ASNSD1: variants seen among roughly 807,000 people sequenced by gnomAD.
ASNSD1 encodes asparagine synthetase domain-containing protein 1.
In ASNSD1, 36 loss-of-function variants were observed where a neutral mutation model predicts 48.3. The observed-to-expected ratio is 0.75, with a 90% CI of 0.57 to 0.99. The LOEUF (loss-of-function observed/expected upper bound fraction) is 0.99. Ranked by LOEUF, ASNSD1 falls within the 50% of genes least tolerant of loss-of-function variation. The pLI is 0.00. For missense variants in ASNSD1, 714 were observed against 758.2 expected, an observed-to-expected ratio of 0.94 and a Z score of 0.69; for synonymous variants, 257 against 262.1, an observed-to-expected ratio of 0.98 and a Z score of 0.19.
intron 1 of ASNSD1, among the ~76,000 whole-genome samples, chr2:189,663,417 C>A (rs2032716179): frequency 6.6e-6 from 1 of 152,024 alleles, no homozygotes; most frequent in South Asian, 2.1e-4. Flanking sequence ...CTACGCTTGG[C>A]TAATTTTGTA....
intron 1 of ASNSD1, among the ~76,000 whole-genome samples, chr2:189,663,336 C>A (rs1212243058): frequency 6.6e-6 from 1 of 152,080 alleles, no homozygotes; most frequent in Non-Finnish European, 1.5e-5. Context: ...TCACTGCAGC[C>A]TCCGCCTCCC....
At chr2:189,665,213 G>A (rs1043613432) in intron 2 of ASNSD1, 163 bp from the exon 3 acceptor site, 4 of 365,300 alleles carry the variant, frequency 1.1e-5, no homozygotes, top group African/African-American at 6.3e-5. Flanking sequence ...GCAATTTCTG[G>A]TAGTTGGGCA....
intron 3 of ASNSD1, 58 bp downstream of exon 3, chr2:189,665,509 G>C (rs2032764769): frequency 5.2e-6 from 2 of 385,930 alleles, no homozygotes; most frequent in Non-Finnish European, 4.6e-6. Context: ...TCATCTGAGT[G>C]TTAAAATATA....
rs965796184 is a variant in ASNSD1 at position 189,670,695 on chromosome 2, ATCTT to A, written c.1905_1908del (p.Ser636LeufsTer16). On this transcript the variant is annotated frameshift_variant, in exon 6 of 6. Transcript: ENST00000260952. LOFTEE classifies it high-confidence loss of function. Reference sequence around the variant, plus strand: ...CGGCTCCAAATCATGTCCTTAGAAAATCTTTCTATTGAAAAGGAGACTAAATTGT... The same window carrying A: ...CGGCTCCAAATCATGTCCTTAGAAAATCTATTGAAAAGGAGACTAAATTGT... The A allele has an allele frequency of 5.0e-6, 8 of 1,598,664 alleles. No homozygotes were observed. The African/African-American group carries it at 8.1e-5, about 16-fold the overall frequency.
At chr2:189,665,123 T>C (rs796398390) in intron 2 of ASNSD1, among the ~76,000 whole-genome samples, 2 of 152,304 alleles carry the variant, frequency 1.3e-5, no homozygotes, top group African/African-American at 4.8e-5. Context: ...ATATTGCTCA[T>C]TGATAAAAGC....
chr2:189,664,915 A>G (rs576513103), intron 2 of ASNSD1, among the ~76,000 whole-genome samples: 2 of 152,348 alleles, frequency 1.3e-5, no homozygotes, highest in Non-Finnish European at 2.9e-5. Context: ...TTTAGTTACA[A>G]AGATAATCAT....
Position 189,670,579 on chromosome 2 carries a change from C to T in ASNSD1, c.1785C>T (p.Ala595=), listed in dbSNP as rs753913976. ...CAGCTGTGGAACTTGGTCTTACAGC[C>T]TCTGCTCTTCTGCCCAAACGGGCCA... is the stretch of plus-strand genomic sequence containing the variant. ...RLAAVELGLT[A]SALLPKRAMQ... Residue 595 remains alanine, a synonymous_variant, in exon 6 of 6, where the codon GCC becomes GCT. Transcript: ENST00000260952. 4 of 1,614,008 alleles carry T rather than the reference C, an allele frequency of 2.5e-6. No homozygotes were observed. Among genetic ancestry groups the T allele is most frequent in the South Asian group, 2.2e-5 (2 of 91,068 alleles).
chr2:189,667,322 C>G lies in ASNSD1; in HGVS notation c.1190C>G (p.Pro397Arg), dbSNP rs201954770. Residue 397 changes from proline to arginine, a missense_variant, in exon 4 of 6, where the codon CCT (proline) becomes CGT (arginine). Coordinates refer to ENST00000260952, the MANE Select transcript of ASNSD1 (RefSeq NM_019048.4). The part of the protein sequence containing the change: ...KDVAAAAADS[P>R]NKHVSVPDRI... Reference sequence around the variant, plus strand: ...GTTGCTGCTGCTGCTGCTGACAGTCCTAATAAACATGTCAGTGTACCAGAT... The same window carrying G: ...GTTGCTGCTGCTGCTGCTGACAGTCGTAATAAACATGTCAGTGTACCAGAT... 6.2e-7 allele frequency: 1 copy of G among 1,614,120 alleles called. No homozygotes were observed. Among genetic ancestry groups the G allele is most frequent in the African/African-American group, 1.3e-5 (1 of 75,052 alleles).
chr2:189,663,672 AT>A (rs928135208), intron 1 of ASNSD1, among the ~76,000 whole-genome samples: 2 of 152,206 alleles, frequency 1.3e-5, no homozygotes, highest in African/African-American at 4.8e-5. Context: ...GTTACCTAAC[AT>A]TTTGCAAGTC....
chr2:189,664,000 A>G (rs2032731371), intron 2 of ASNSD1, 46 bp downstream of exon 2: 1 of 377,792 alleles, frequency 2.6e-6, no homozygotes, highest in South Asian at 1.3e-4. Context: ...AGGTTTATTT[A>G]TGTTAACTAT....
At position 189,670,412 on chromosome 2, in the gene ASNSD1, A is replaced by G. The variant is rs748651811; in HGVS notation, c.1647-29A>G. The G allele has an allele frequency of 9.1e-5, 141 of 1,549,120 alleles. 1 individual carries two copies. Among genetic ancestry groups the G allele is most frequent in the Middle Eastern group, 5.2e-4 (3 of 5,820 alleles). ...CAAAGCAGGTTGATTTTATTTTTAC[A>G]TAGTGGTTATATTATCTGTCTATTT... On this transcript the variant is annotated intron_variant, in intron 5 of 5. Transcript: ENST00000260952.
chr2:189,669,733 T>C (rs1324195106), intron 5 of ASNSD1, among the ~76,000 whole-genome samples: 1 of 152,132 alleles, frequency 6.6e-6, no homozygotes. Context: ...TTTCTAGAAA[T>C]TGGGGAAGGA....
chr2:189,664,353 C>G (rs73049960), intron 2 of ASNSD1, among the ~76,000 whole-genome samples: 5,113 of 152,188 alleles, frequency 0.034, 296 homozygotes, highest in African/African-American at 0.12. Context: ...CATTGCTTCC[C>G]CTCCCTCCAA....
At chr2:189,663,496 G>A (rs1174024146) in intron 1 of ASNSD1, among the ~76,000 whole-genome samples, 3 of 152,030 alleles carry the variant, frequency 2.0e-5, no homozygotes, top group Admixed American at 6.6e-5. Flanking sequence ...CAGGTGATCC[G>A]CCCGCCTTGG....
In ASNSD1 at chr2:189,666,256, GA is replaced by G; in HGVS notation, c.125del (p.Asp42ValfsTer15). 6.2e-7 allele frequency: 1 copy of G among 1,614,106 alleles called. No homozygotes were observed. Among genetic ancestry groups the G allele is most frequent in the Non-Finnish European group, 8.5e-7 (1 of 1,179,998 alleles). ...PNSSKQLLKS[D>X]VNYQCLFSAH... The stretch of plus-strand genomic sequence containing the variant: ...TAGTAGTAAACAATTGTTAAAGTCT[GA>G]TGTTAACTACCAGTGTTTATTTTCT... On this transcript the variant is annotated frameshift_variant, in exon 4 of 6. Coordinates refer to ENST00000260952, the MANE Select transcript of ASNSD1 (RefSeq NM_019048.4). LOFTEE classifies it high-confidence loss of function.
At chr2:189,665,648 T>A (rs868279937) in intron 3 of ASNSD1, among the ~76,000 whole-genome samples, 197 bp downstream of exon 3, 70 of 127,688 alleles carry the variant, frequency 5.5e-4, no homozygotes, top group African/African-American at 1.9e-3. Flanking sequence ...ATATATATAT[T>A]ATAAATGTTT....
In ASNSD1 at chr2:189,666,563, T is replaced by G; in HGVS notation, c.431T>G (p.Leu144Arg). 6.2e-7 allele frequency: 1 copy of G among 1,614,100 alleles called. No homozygotes were observed. The highest frequency in any genetic ancestry group is 8.5e-7 in the Non-Finnish European group (1 of 1,180,022). The change falls in exon 4 of 6, where the codon CTT (leucine) becomes CGT (arginine). Residue 144 changes from leucine (L) to arginine (R), a missense_variant. Physicochemically the swap from Leu to Arg is moderately radical, Grantham distance 102. Transcript: ENST00000260952. The stretch of plus-strand genomic sequence containing the variant: ...GATTTTTTTGGTCGCCGTAGCTTGC[T>G]TTGGCATTTTAGTAATTTGGGCAAG... ...GRDFFGRRSL[L>R]WHFSNLGKSF...
chr2:189,670,800 A>G lies in ASNSD1; in HGVS notation c.*74A>G. On this transcript the variant is annotated 3_prime_UTR_variant, in exon 6 of 6. Coordinates refer to ENST00000260952, the MANE Select transcript of ASNSD1 (RefSeq NM_019048.4). The stretch of plus-strand genomic sequence containing the variant: ...TAAAAGTAAGATACTCTGCTGCTTT[A>G]CTATTGTATAACATAGTAGTTTTAA... 9.3e-7 allele frequency: 1 copy of G among 1,080,440 alleles called. No homozygotes were observed. The highest frequency in any genetic ancestry group is 2.7e-5 in the South Asian group (1 of 37,572). The allele number at this position is 1,080,440 out of a possible 1,614,324, so 66.9% of individuals were successfully genotyped here.
intron 5 of ASNSD1, among the ~76,000 whole-genome samples, chr2:189,668,811 T>C (rs1411583323): frequency 1.3e-5 from 2 of 152,250 alleles, no homozygotes; most frequent in African/African-American, 4.8e-5. Context: ...CATGTATGTA[T>C]TCTTGCTTTT....
Sources: allele counts gnomAD v4.1 joint callset (sites outside exome capture counted in the v4.1 genomes callset), GRCh38; gene constraint gnomAD v4.1.1; transcripts MANE v1.5; gene names NCBI Gene and HGNC (gene_info 2026-07-23, HGNC 2026-07-21).